Variants in NFATC2IP observed in about 807,000 individuals in gnomAD.
NFATC2IP encodes nuclear factor of activated T cells 2 interacting protein.
A neutral mutation model predicts 40.2 loss-of-function variants in NFATC2IP; 25 were observed. The observed-to-expected ratio is 0.62, with a 90% confidence interval of 0.45 to 0.87. The LOEUF (loss-of-function observed/expected upper bound fraction) is 0.87. Among genes scored for constraint, NFATC2IP ranks in the 40% least tolerant of loss-of-function variants. The pLI is 0.00. For missense variants in NFATC2IP, 553 were observed against 555.6 expected, an observed-to-expected ratio of 1.00 and a Z score of 0.05; for synonymous variants, 241 against 236.3, an observed-to-expected ratio of 1.02 and a Z score of -0.18.
intron 7 of NFATC2IP, among the ~76,000 whole-genome samples, chr16:28,962,019 T>G (rs1397195419): frequency 1.3e-5 from 2 of 150,718 alleles, no homozygotes; most frequent in African/African-American, 4.9e-5. Context: ...TCCTTCTACC[T>G]CAGCCTCCTG....
At chr16:28,955,822 C>T (rs1350605907) in intron 3 of NFATC2IP, among the ~76,000 whole-genome samples, 156 bp from the exon 4 acceptor site, 3 of 152,104 alleles carry the variant, frequency 2.0e-5, no homozygotes, top group East Asian at 1.9e-4. Context: ...CTCCTGGGCT[C>T]GAGCGATCCT....
Position 28,951,071 on chromosome 16 carries a change from G to A in NFATC2IP, c.60G>A (p.Gly20=). The change falls in exon 1 of 8, where the codon GGG becomes GGA. Residue 20 remains glycine, a synonymous_variant. Transcript: ENST00000320805. ...CCGGAGGTAGCGGTGCCGGCCGAGG[G>A]GGTCGGGGCGGCTGGGGCGGTCGGG... is the stretch of plus-strand genomic sequence containing the variant. ...RWSGGSGAGR[G]GRGGWGGRGR... The A allele has an allele frequency of 1.3e-6, 2 of 1,541,764 alleles. No homozygotes were observed. The highest frequency in any genetic ancestry group is 1.7e-6 in the Non-Finnish European group (2 of 1,143,564).
chr16:28,952,106 C>G, intron 1 of NFATC2IP, 26 bp from the exon 2 acceptor site: 1 of 1,613,672 alleles, frequency 6.2e-7, no homozygotes, highest in Non-Finnish European at 8.5e-7. Flanking sequence ...TTGGGCCTGA[C>G]CCCTCTCCCT....
chr16:28,961,392 C>A (rs1176929130), intron 7 of NFATC2IP, among the ~76,000 whole-genome samples: 7 of 139,724 alleles, frequency 5.0e-5, no homozygotes, highest in Non-Finnish European at 9.2e-5. Flanking sequence ...GCCACTGTTA[C>A]ATTTAACCAT....
chr16:28,952,200 G>A lies in NFATC2IP; in HGVS notation c.456G>A (p.Glu152=). 3 of 1,613,770 alleles carry A rather than the reference G, an allele frequency of 1.9e-6. No individual in the cohort carries two copies. Among genetic ancestry groups the A allele is most frequent in the South Asian group, 1.1e-5 (1 of 91,072 alleles). ...TGAAACTCTACCCTCCAGGGGATGA[G>A]GAAGGTAAGGGAGGGCCTCCAGGGA... ...SLLKLYPPGD[E]EEAELADSSG... Residue 152 remains glutamate, a synonymous_variant, in exon 2 of 8, where the codon GAG becomes GAA. Transcript: ENST00000320805.
chr16:28,951,046 C>G lies in NFATC2IP; in HGVS notation c.35C>G (p.Ser12Cys), dbSNP rs747230996. 4.5e-6 allele frequency: 7 copies of G among 1,538,532 alleles called. No individual in the cohort carries two copies. Among genetic ancestry groups the G allele is most frequent in the Non-Finnish European group, 5.2e-6 (6 of 1,143,596 alleles). The change falls in exon 1 of 8, where the codon TCC becomes TGC. Residue 12 changes from serine (S) to cysteine (C), a missense_variant. Transcript: ENST00000320805. Reference sequence around the variant, plus strand: ...CCTGTGGGGAAGCGGGGCCGCTGGTCCGGAGGTAGCGGTGCCGGCCGAGGG... The same window carrying G: ...CCTGTGGGGAAGCGGGGCCGCTGGTGCGGAGGTAGCGGTGCCGGCCGAGGG... ...AEPVGKRGRWSGGSGAGRGGR... is the reference protein window; with the variant it reads ...AEPVGKRGRWCGGSGAGRGGR...
In NFATC2IP at chr16:28,966,047, T is replaced by G. The variant is rs544592322; in HGVS notation, c.*2184T>G. The G allele has an allele frequency of 1.3e-5, 2 of 152,022 alleles. No homozygotes were observed. The highest frequency in any genetic ancestry group is 6.5e-5 in the Admixed American group (1 of 15,272). 9.4% of individuals were successfully genotyped at this position (152,022 alleles called of 1,614,324 possible). On this transcript the variant is annotated 3_prime_UTR_variant, in exon 8 of 8. Transcript: ENST00000320805. ...ATCAGCCTGAGTGACAGAGAGACTT[T>G]GTCTCAAAAAAAAAAGAAAATTTTA...
intron 2 of NFATC2IP, among the ~76,000 whole-genome samples, chr16:28,953,333 A>T (rs969850393): frequency 2.6e-5 from 4 of 152,140 alleles, no homozygotes; most frequent in African/African-American, 9.7e-5. Context: ...TTGGTCACCC[A>T]AAGTGCTGGG....
At chr16:28,961,831 C>T (rs1315390008) in intron 7 of NFATC2IP, among the ~76,000 whole-genome samples, 2 of 133,584 alleles carry the variant, frequency 1.5e-5, no homozygotes, top group African/African-American at 2.8e-5. Flanking sequence ...ACCTGGGAGG[C>T]GGAGGTTGCA....
intron 7 of NFATC2IP, 132 bp from the exon 8 acceptor site, chr16:28,963,573 C>T (rs1965111373): frequency 2.7e-6 from 2 of 731,044 alleles, no homozygotes; most frequent in Non-Finnish European, 2.2e-6. Context: ...CTCTCCTTTC[C>T]CCGCATGGGG....
At chr16:28,961,421 A>G (rs1045755234) in intron 7 of NFATC2IP, among the ~76,000 whole-genome samples, 5 of 149,724 alleles carry the variant, frequency 3.3e-5, no homozygotes, top group African/African-American at 1.2e-4. Context: ...GCAGCACCCC[A>G]CTTTTGTATT....
chr16:28,963,683 A>G (rs951812305), intron 7 of NFATC2IP, 22 bp from the exon 8 acceptor site: 12 of 1,611,424 alleles, frequency 7.4e-6, no homozygotes, highest in Non-Finnish European at 1.0e-5. Flanking sequence ...TCTGACGTCC[A>G]TTTTCTTTTG....
At chr16:28,959,376 A>G (rs530743197) in intron 7 of NFATC2IP, among the ~76,000 whole-genome samples, 2 of 152,102 alleles carry the variant, frequency 1.3e-5, no homozygotes, top group African/African-American at 2.4e-5. Flanking sequence ...ACGGTAATCA[A>G]TAAAACCCAT....
chr16:28,963,678 C>G (rs190045734), intron 7 of NFATC2IP, 27 bp from the exon 8 acceptor site: 4 of 1,609,514 alleles, frequency 2.5e-6, no homozygotes, highest in Non-Finnish European at 2.6e-6. Context: ...CATGTTCTGA[C>G]GTCCATTTTC....
rs1965148079 is a variant in NFATC2IP at position 28,966,460 on chromosome 16, AAAAAATG to A, written c.*2599_*2605del. 6.6e-6 allele frequency: 1 copy of A among 150,980 alleles called. No homozygotes were observed. The highest frequency in any genetic ancestry group is 1.5e-5 in the Non-Finnish European group (1 of 67,756). The allele number at this position is 150,980 out of a possible 1,614,324, so 9.4% of individuals were successfully genotyped here. A position where few individuals can be genotyped will look rare whatever the true frequency, so the allele number is the denominator to read the frequency against. On this transcript the variant is annotated 3_prime_UTR_variant, in exon 8 of 8. Coordinates refer to ENST00000320805, the MANE Select transcript of NFATC2IP (RefSeq NM_032815.4). ...CTTGTCTCTTAAAAAAAAAAAAAAAAAAAAATGAGAGAAATCGGCTGGGCATGGTTTC... is the reference window on the plus strand; with the variant it reads ...CTTGTCTCTTAAAAAAAAAAAAAAAAAGAGAAATCGGCTGGGCATGGTTTC...
chr16:28,960,843 A>G (rs1965077376), intron 7 of NFATC2IP, among the ~76,000 whole-genome samples: 1 of 152,156 alleles, frequency 6.6e-6, no homozygotes. Context: ...ACCTCACCAG[A>G]AACACCTTTA....
Position 28,964,678 on chromosome 16 carries a change from T to G in NFATC2IP, c.*815T>G, listed in dbSNP as rs1337523883. Reference sequence around the variant, plus strand: ...GAATGTATTTGTAAAATACCACGTTTCATGTGTGAATATGTGCTTTTACTG... The same window carrying G: ...GAATGTATTTGTAAAATACCACGTTGCATGTGTGAATATGTGCTTTTACTG... On this transcript the variant is annotated 3_prime_UTR_variant, in exon 8 of 8. Coordinates refer to ENST00000320805, the MANE Select transcript of NFATC2IP (RefSeq NM_032815.4). The G allele has an allele frequency of 6.6e-6, 1 of 152,366 alleles. No homozygotes were observed. The highest frequency in any genetic ancestry group is 1.5e-5 in the Non-Finnish European group (1 of 68,052). 9.4% of individuals were successfully genotyped at this position (152,366 alleles called of 1,614,324 possible).
intron 7 of NFATC2IP, among the ~76,000 whole-genome samples, chr16:28,959,447 C>T (rs1018412265): frequency 6.6e-6 from 1 of 152,104 alleles, no homozygotes; most frequent in African/African-American, 2.4e-5. Flanking sequence ...ATAATTTCCT[C>T]ACATTCAGGA....
At chr16:28,957,241 C>T (rs886196683) in intron 5 of NFATC2IP, among the ~76,000 whole-genome samples, 2 of 149,384 alleles carry the variant, frequency 1.3e-5, no homozygotes, top group African/African-American at 5.1e-5. Context: ...ACCATATTGG[C>T]CAGGCTGGTC....
Sources: allele counts gnomAD v4.1 joint callset (sites outside exome capture counted in the v4.1 genomes callset), GRCh38; gene constraint gnomAD v4.1.1; transcripts MANE v1.5; gene names NCBI Gene and HGNC (gene_info 2026-07-23, HGNC 2026-07-21).